HS3ST4: variants seen among roughly 807,000 people sequenced by gnomAD.
HS3ST4 encodes heparan sulfate glucosamine 3-O-sulfotransferase 4.
HS3ST4 carries 17 observed loss-of-function variants against 29.2 expected under a neutral mutation model. That is an observed-to-expected ratio of 0.58 (90% confidence interval 0.40 to 0.87). The LOEUF (loss-of-function observed/expected upper bound fraction) is 0.87, where lower values mean the gene tolerates loss of function less well. Ranked by LOEUF, HS3ST4 falls within the 40% of genes least tolerant of loss-of-function variation. The pLI is 0.00. For missense variants in HS3ST4, 627 were observed against 634.5 expected (o/e 0.99, Z 0.13); for synonymous variants, 314 against 285.7 (o/e 1.10, Z -1.00).
intron 1 of HS3ST4, among the ~76,000 whole-genome samples, chr16:25,866,685 T>C (rs866865064): frequency 5.9e-5 from 9 of 152,086 alleles, no homozygotes; most frequent in Admixed American, 1.3e-4. Flanking sequence ...GAGAGAGCAT[T>C]AAGAAAAACA....
intron 1 of HS3ST4, among the ~76,000 whole-genome samples, chr16:25,820,994 C>G (rs938108898): frequency 2.0e-5 from 3 of 151,930 alleles, no homozygotes; most frequent in Admixed American, 2.0e-4. Context: ...TTTTGATGCC[C>G]CAGAAAGCTC....
At chr16:25,883,725 T>A (rs534138132) in intron 1 of HS3ST4, among the ~76,000 whole-genome samples, 5 of 152,322 alleles carry the variant, frequency 3.3e-5, no homozygotes, top group African/African-American at 1.2e-4. Context: ...ACAGCAATCC[T>A]ATAAAATAAG....
chr16:26,077,773 C>A (rs930202776), intron 1 of HS3ST4, among the ~76,000 whole-genome samples: 1 of 152,184 alleles, frequency 6.6e-6, no homozygotes, highest in Non-Finnish European at 1.5e-5. Context: ...CAATAAGCCT[C>A]AAAAATGAAC....
intron 1 of HS3ST4, among the ~76,000 whole-genome samples, chr16:25,945,410 T>C (rs968558814): frequency 1.3e-5 from 2 of 152,202 alleles, no homozygotes; most frequent in Non-Finnish European, 2.9e-5. Flanking sequence ...TAGTACTAAA[T>C]TTGGTTCCCA....
chr16:26,015,470 C>A (rs1969354189), intron 1 of HS3ST4, among the ~76,000 whole-genome samples: 1 of 152,168 alleles, frequency 6.6e-6, no homozygotes, highest in South Asian at 2.1e-4. Flanking sequence ...TCACCCAAGT[C>A]TCTATGTCCA....
chr16:26,081,324 C>T (rs1898721731), intron 1 of HS3ST4, among the ~76,000 whole-genome samples: 1 of 151,884 alleles, frequency 6.6e-6, no homozygotes, highest in Non-Finnish European at 1.5e-5. Context: ...AACACTATCC[C>T]TAGATAATAC....
chr16:25,842,766 A>T (rs1967428746), intron 1 of HS3ST4, among the ~76,000 whole-genome samples: 1 of 152,180 alleles, frequency 6.6e-6, no homozygotes, highest in Non-Finnish European at 1.5e-5. Context: ...GTCTGATCAT[A>T]TAATCAGTCT....
At chr16:25,803,632 A>G (rs988741789) in intron 1 of HS3ST4, among the ~76,000 whole-genome samples, 3 of 152,020 alleles carry the variant, frequency 2.0e-5, no homozygotes, top group Admixed American at 2.0e-4. Flanking sequence ...AAGACTTCCT[A>G]TCTTTGGTTC....
At chr16:25,925,787 G>A (rs1004937048) in intron 1 of HS3ST4, among the ~76,000 whole-genome samples, 12 of 152,150 alleles carry the variant, frequency 7.9e-5, no homozygotes, top group African/African-American at 2.9e-4. Context: ...TGAGGGTGGG[G>A]TAGTGCAACA....
rs1966659736 is a variant in HS3ST4, at chr16:25,742,289, A to G, written c.734+49138A>G. ...TGGTACGCAGAAGCTCCATGCATTC[A>G]TCTTACTAGCTTAGGTACCTGGGTG... On this transcript the variant is annotated intron_variant, in intron 1 of 1. Coordinates refer to ENST00000331351, the MANE Select transcript of HS3ST4 (RefSeq NM_006040.3). Among the ~76,000 whole-genome samples, 3 of 152,184 alleles carry G rather than the reference A, an allele frequency of 2.0e-5. 1 individual carries two copies. The highest frequency in any genetic ancestry group is 4.2e-4 in the South Asian group (2 of 4,816).
At position 26,118,800 on chromosome 16, in the gene HS3ST4, C is replaced by T. The variant is rs116831150; in HGVS notation, c.735-16812C>T. On this transcript the variant is annotated intron_variant, in intron 1 of 1. Transcript: ENST00000331351. ...GAGTATTTGGGGACACAGAGAAGGCCGGTGTTGCTGGGACTTTGTTGAAAC... is the reference window on the plus strand; with the variant it reads ...GAGTATTTGGGGACACAGAGAAGGCTGGTGTTGCTGGGACTTTGTTGAAAC... Among the ~76,000 whole-genome samples the T allele has an allele frequency of 6.4e-3, 968 of 152,080 alleles. 13 individuals carry two copies. Among genetic ancestry groups the T allele is most frequent in the South Asian group, 0.032 (155 of 4,808 alleles).
chr16:26,120,285 C>T (rs1899258570), intron 1 of HS3ST4, among the ~76,000 whole-genome samples: 1 of 152,126 alleles, frequency 6.6e-6, no homozygotes, highest in East Asian at 1.9e-4. Flanking sequence ...TTTAGTATTT[C>T]ATGCACCCCA....
rs141367726 is a variant in HS3ST4, at chr16:25,866,451, T to C, written c.734+173300T>C. ...CTGGATAAAGAAAATGTGGTACATA[T>C]ACACTATGGAATACTATGCAGCCAT... On this transcript the variant is annotated intron_variant, in intron 1 of 1. Coordinates refer to ENST00000331351, the MANE Select transcript of HS3ST4 (RefSeq NM_006040.3). Among the ~76,000 whole-genome samples, 725 of 152,252 alleles carry C rather than the reference T, an allele frequency of 4.8e-3. 4 individuals are homozygous for C. Among genetic ancestry groups the C allele is most frequent in the African/African-American group, 0.016 (682 of 41,544 alleles).
chr16:25,824,822 A>C (rs558129543), intron 1 of HS3ST4: 2 of 152,214 alleles, frequency 1.3e-5, no homozygotes, highest in Non-Finnish European at 2.9e-5. Flanking sequence ...ATAGTGCCCT[A>C]CTGGCTATCA....
chr16:26,056,152 A>G (rs1039151441), intron 1 of HS3ST4, among the ~76,000 whole-genome samples: 3 of 152,004 alleles, frequency 2.0e-5, no homozygotes, highest in African/African-American at 4.8e-5. Context: ...TCCCCTCCCA[A>G]TTGACTCAGT....
At chr16:25,873,792 C>A (rs1967797321) in intron 1 of HS3ST4, among the ~76,000 whole-genome samples, 1 of 152,102 alleles carries the variant, frequency 6.6e-6, no homozygotes, top group South Asian at 2.1e-4. Flanking sequence ...TTTCATCCAT[C>A]CATTCATCTA....
intron 1 of HS3ST4, among the ~76,000 whole-genome samples, chr16:25,797,358 A>G (rs1966892283): frequency 6.6e-6 from 1 of 152,180 alleles, no homozygotes; most frequent in South Asian, 2.1e-4. Context: ...AAATCACGGT[A>G]TTGCGTTGAA....
chr16:25,788,447 A>T (rs935459931), intron 1 of HS3ST4, among the ~76,000 whole-genome samples: 1 of 151,108 alleles, frequency 6.6e-6, no homozygotes, highest in African/African-American at 2.4e-5. Context: ...CAATTCAGTA[A>T]GTCTCTGTGA....
intron 1 of HS3ST4, among the ~76,000 whole-genome samples, chr16:25,867,674 T>C (rs1192637774): frequency 6.6e-6 from 1 of 152,202 alleles, no homozygotes; most frequent in Admixed American, 6.5e-5. Flanking sequence ...GGGACTCGGC[T>C]AGTATCTCTT....
Sources: allele counts gnomAD v4.1 joint callset (sites outside exome capture counted in the v4.1 genomes callset), GRCh38; gene constraint gnomAD v4.1.1; transcripts MANE v1.5; gene names NCBI Gene and HGNC (gene_info 2026-07-23, HGNC 2026-07-21).